LMF1: variants seen among roughly 807,000 people sequenced by gnomAD.
The protein encoded by LMF1 is transmembrane protein 112.
In LMF1, 68 loss-of-function variants were observed where a neutral mutation model predicts 60.6. That is an observed-to-expected ratio of 1.12 (90% confidence interval 0.92 to 1.37). LMF1 has a LOEUF of 1.37. Ranked by LOEUF, LMF1 falls within the 40% of genes most tolerant of loss-of-function variation. The pLI, the probability that LMF1 is intolerant of heterozygous loss-of-function variation, is 0.00. For synonymous variants in LMF1, 418 were observed against 324.7 expected, an observed-to-expected ratio of 1.29 and a Z score of -3.09; for missense variants, 948 against 767.2, an observed-to-expected ratio of 1.24 and a Z score of -2.78.
chr16:928,954 A>T (rs987171516), intron 3 of LMF1, among the ~76,000 whole-genome samples: 2 of 152,206 alleles, frequency 1.3e-5, no homozygotes, highest in African/African-American at 4.8e-5. Flanking sequence ...TCTGGGCACA[A>T]AGACCTGGCA....
chr16:862,718 C>T (rs1005490576), intron 10 of LMF1, among the ~76,000 whole-genome samples: 3 of 151,816 alleles, frequency 2.0e-5, no homozygotes, highest in African/African-American at 4.8e-5. Flanking sequence ...ATTAGTGAGG[C>T]GTGGTGGTGT....
intron 1 of LMF1, among the ~76,000 whole-genome samples, chr16:977,925 A>ACACACATGCAC (rs1555484149): frequency 7.1e-6 from 1 of 140,540 alleles, no homozygotes; most frequent in Non-Finnish European, 1.5e-5. Context: ...CACACATACC[A>ACACACATGCAC]CACACATACA....
chr16:976,874 C>T (rs2151506766), intron 1 of LMF1: 1 of 454,120 alleles, frequency 2.2e-6, no homozygotes. Flanking sequence ...CAGGGGTCCC[C>T]AGCGGTCAGT....
intron 5 of LMF1, among the ~76,000 whole-genome samples, chr16:892,452 G>GGC (rs2070517975): frequency 6.6e-6 from 1 of 152,140 alleles, no homozygotes; most frequent in Non-Finnish European, 1.5e-5. Context: ...CCAGGCCCCA[G>GGC]ACCACTCCCA....
chr16:937,286 G>A (rs949548521), intron 2 of LMF1, among the ~76,000 whole-genome samples: 3 of 152,208 alleles, frequency 2.0e-5, no homozygotes, highest in Admixed American at 1.3e-4. Context: ...CACGTTAGAA[G>A]ATACCGACTC....
intron 10 of LMF1, among the ~76,000 whole-genome samples, chr16:857,066 T>G (rs1316684536): frequency 6.6e-6 from 1 of 152,260 alleles, no homozygotes; most frequent in Non-Finnish European, 1.5e-5. Context: ...TCACGCCAAT[T>G]CTCAGGTTCC....
intron 1 of LMF1, chr16:976,622 G>A (rs890074539): frequency 1.3e-5 from 6 of 454,020 alleles, no homozygotes; most frequent in Non-Finnish European, 2.2e-5. Context: ...AGTGCAGAGA[G>A]CAAATGCGTG....
At position 931,932 on chromosome 16, in the gene LMF1, C is replaced by T. The variant is rs1374448890; in HGVS notation, c.514+2312G>A. ...CCGAAGAATCAGTTAGAATGTATGA[C>T]GCTCACCTGAAAACACCCAGGGAGA... On this transcript the variant is annotated intron_variant, in intron 3 of 10. Transcript: ENST00000262301. The T allele has an allele frequency of 1.4e-5, 10 of 696,472 alleles. 1 individual carries two copies. The highest frequency in any genetic ancestry group is 7.0e-5 in the South Asian group (4 of 57,036). 43.1% of individuals were successfully genotyped at this position (696,472 alleles called of 1,614,324 possible).
chr16:916,037 C>A (rs1204744290), intron 3 of LMF1, among the ~76,000 whole-genome samples: 1 of 152,142 alleles, frequency 6.6e-6, no homozygotes, highest in East Asian at 1.9e-4. Flanking sequence ...CACGGGGTAG[C>A]CTCCGGCAAA....
At chr16:855,413 G>A (rs1405351771) in intron 10 of LMF1, 1 of 345,988 alleles carries the variant, frequency 2.9e-6, no homozygotes, top group East Asian at 7.6e-5. Flanking sequence ...TGGTGACCAG[G>A]CCTGGTTTAG....
At position 877,962 on chromosome 16, in the gene LMF1, C is replaced by T. The variant is rs543136990; in HGVS notation, c.897+1608G>A. Among the ~76,000 whole-genome samples the T allele has an allele frequency of 5.3e-5, 8 of 152,274 alleles. 1 individual carries two copies. The highest frequency in any genetic ancestry group is 4.2e-4 in the South Asian group (2 of 4,816). On this transcript the variant is annotated intron_variant, in intron 6 of 10. Coordinates refer to ENST00000262301, the MANE Select transcript of LMF1 (RefSeq NM_022773.4). ...ACAAAAAGAAGTCACCTCAGAGCTG[C>T]AGCCTACAAACGCGCGTGGGGTCTG...
In LMF1 at chr16:954,049, C is replaced by T. The variant is rs368601984; in HGVS notation, c.503+308G>A. Among the ~76,000 whole-genome samples the T allele has an allele frequency of 1.7e-3, 237 of 136,714 alleles. 29 individuals are homozygous for T. The highest frequency in any genetic ancestry group is 3.7e-3 in the Middle Eastern group (1 of 270). 89.7% of individuals were successfully genotyped at this position (136,714 alleles called of 152,430 possible). On this transcript the variant is annotated intron_variant, in intron 2 of 10. Coordinates refer to ENST00000262301, the MANE Select transcript of LMF1 (RefSeq NM_022773.4). ...CACCCCAAACCAGCCTCCTACACGTCCACACAGACACAGACCCACTGCTTC... is the reference window on the plus strand; with the variant it reads ...CACCCCAAACCAGCCTCCTACACGTTCACACAGACACAGACCCACTGCTTC...
chr16:941,885 T>C (rs1277391026), intron 2 of LMF1, among the ~76,000 whole-genome samples: 3 of 152,232 alleles, frequency 2.0e-5, no homozygotes, highest in Non-Finnish European at 4.4e-5. Context: ...TAATGTTGTG[T>C]ATATTACAGT....
chr16:934,162 G>T (rs764247066), intron 3 of LMF1, 82 bp downstream of exon 3: 1 of 1,597,028 alleles, frequency 6.3e-7, no homozygotes, highest in Non-Finnish European at 8.5e-7. Flanking sequence ...AAGGGGAGAG[G>T]CCAGGAAAAG....
chr16:957,469 A>T (rs2072731326), intron 1 of LMF1, among the ~76,000 whole-genome samples: 1 of 152,242 alleles, frequency 6.6e-6, no homozygotes, highest in Admixed American at 6.5e-5. Context: ...GAAGAGATAG[A>T]CCATGTTCAT....
At chr16:958,770 C>T (rs928817004) in intron 1 of LMF1, among the ~76,000 whole-genome samples, 1 of 152,090 alleles carries the variant, frequency 6.6e-6, no homozygotes, top group Admixed American at 6.6e-5. Flanking sequence ...ACCTGGAATC[C>T]CAGCTACTCG....
intron 4 of LMF1, chr16:899,839 C>T (rs1334044003): frequency 6.6e-6 from 1 of 152,308 alleles, no homozygotes; most frequent in Non-Finnish European, 1.5e-5. Flanking sequence ...GCCCCTGGCA[C>T]CTTCCTTCCG....
intron 6 of LMF1, chr16:871,690 G>A (rs776531433): frequency 8.5e-5 from 21 of 246,216 alleles, no homozygotes; most frequent in East Asian, 3.0e-4. Context: ...GGCACCTGCC[G>A]GGGTCATGCC....
At chr16:893,777 T>G (rs990576720) in intron 4 of LMF1, among the ~76,000 whole-genome samples, 5 of 152,060 alleles carry the variant, frequency 3.3e-5, no homozygotes, top group Non-Finnish European at 7.4e-5. Flanking sequence ...CGGCTTCAGA[T>G]GATTCCTTCA....
Sources: allele counts gnomAD v4.1 joint callset (sites outside exome capture counted in the v4.1 genomes callset), GRCh38; gene constraint gnomAD v4.1.1; transcripts MANE v1.5; gene names NCBI Gene and HGNC (gene_info 2026-07-23, HGNC 2026-07-21).